The following PGGT1B variants were observed in gnomAD, a reference collection of about 807,000 sequenced individuals.
PGGT1B encodes the protein geranylgeranyl transferase type-1 subunit beta.
PGGT1B carries 30 observed loss-of-function variants against 46.1 expected under a neutral mutation model. The observed-to-expected ratio is 0.65, with a 90% confidence interval of 0.49 to 0.88. The LOEUF is 0.88. Ranked by LOEUF, PGGT1B falls within the 40% of genes least tolerant of loss-of-function variation. The pLI is 0.00. For missense variants in PGGT1B, 376 were observed against 455.9 expected (o/e 0.82, Z 1.60); for synonymous variants, 170 against 160.0 (o/e 1.06, Z -0.47).
chr5:115,221,678 C>T (rs899731037), intron 7 of PGGT1B, 146 bp downstream of exon 7: 14 of 459,590 alleles, frequency 3.0e-5, no homozygotes, highest in Middle Eastern at 5.7e-4. Context: ...AAAAACCATA[C>T]AGAGACTAGC....
chr5:115,218,341 T>C (rs1199459707), intron 7 of PGGT1B, among the ~76,000 whole-genome samples: 1 of 150,184 alleles, frequency 6.7e-6, no homozygotes. Flanking sequence ...TTGGGACAAC[T>C]TGAAAGGGTT....
intron 6 of PGGT1B, among the ~76,000 whole-genome samples, chr5:115,222,321 G>A (rs540553851): frequency 2.6e-5 from 4 of 152,112 alleles, no homozygotes; most frequent in African/African-American, 7.2e-5. Context: ...CTAACTCCCT[G>A]CCCAGGACCC....
chr5:115,225,127 T>G (rs950396279), intron 6 of PGGT1B, among the ~76,000 whole-genome samples: 6 of 152,208 alleles, frequency 3.9e-5, no homozygotes, highest in Admixed American at 2.0e-4. Flanking sequence ...CTGTGCTCAT[T>G]ATGCCTTAGT....
chr5:115,236,631 G>C, intron 4 of PGGT1B, 109 bp from the exon 5 acceptor site: 1 of 577,730 alleles, frequency 1.7e-6, no homozygotes, highest in Non-Finnish European at 2.9e-6. Flanking sequence ...AAAATCTGTT[G>C]ATTATTCTAC....
At chr5:115,237,691 TC>T (rs1757224289) in intron 4 of PGGT1B, among the ~76,000 whole-genome samples, 166 bp downstream of exon 4, 1 of 152,160 alleles carries the variant, frequency 6.6e-6, no homozygotes, top group Non-Finnish European at 1.5e-5. Context: ...ACAGAGGAAA[TC>T]TGAGGTCACT....
chr5:115,211,668 C>G lies in PGGT1B; in HGVS notation c.*734G>C, dbSNP rs1441989858. 1 of 149,432 alleles carries G rather than the reference C, an allele frequency of 6.7e-6. No individual in the cohort carries two copies. Among genetic ancestry groups the G allele is most frequent in the Non-Finnish European group, 1.5e-5 (1 of 67,614 alleles). 9.3% of individuals were successfully genotyped at this position (149,432 alleles called of 1,614,324 possible). A position where few individuals can be genotyped will look rare whatever the true frequency, so the allele number is the denominator to read the frequency against. On this transcript the variant is annotated 3_prime_UTR_variant, in exon 9 of 9. Transcript: ENST00000419445. ...AAAATCAAACATAACTGGTATTCAC[C>G]ACAGCAATGTCTAGATAAATGACCC...
intron 6 of PGGT1B, among the ~76,000 whole-genome samples, chr5:115,229,204 T>C (rs1401075057): frequency 6.6e-6 from 1 of 152,140 alleles, no homozygotes; most frequent in Non-Finnish European, 1.5e-5. Context: ...TTGTAGGCCA[T>C]ACTGTAATAC....
chr5:115,253,035 A>C (rs1372042858), intron 2 of PGGT1B, 102 bp downstream of exon 2: 1 of 975,524 alleles, frequency 1.0e-6, no homozygotes, highest in Admixed American at 2.7e-5. Flanking sequence ...AGATAAATAA[A>C]ATATGTTAAC....
At chr5:115,220,272 TA>T (rs1374167647) in intron 7 of PGGT1B, among the ~76,000 whole-genome samples, 1 of 151,870 alleles carries the variant, frequency 6.6e-6, no homozygotes, top group Non-Finnish European at 1.5e-5. Context: ...ATTCAGCCAT[TA>T]AAAAATTAAA....
rs1756052839 is a variant in PGGT1B, at chr5:115,206,061, T to A, written c.*6341A>T. On this transcript the variant is annotated 3_prime_UTR_variant, in exon 9 of 9. Transcript: ENST00000419445. ...TATGGCTATTGAAAGGCATTCATAATACATTGTTGAATGAAAAAAAACCAT... is the reference window on the plus strand; with the variant it reads ...TATGGCTATTGAAAGGCATTCATAAAACATTGTTGAATGAAAAAAAACCAT... 6.6e-6 allele frequency: 1 copy of A among 151,968 alleles called. No individual in the cohort carries two copies. Among genetic ancestry groups the A allele is most frequent in the Non-Finnish European group, 1.5e-5 (1 of 67,894 alleles). 9.4% of individuals were successfully genotyped at this position (151,968 alleles called of 1,614,324 possible).
intron 2 of PGGT1B, among the ~76,000 whole-genome samples, chr5:115,252,315 C>T (rs904420126): frequency 6.6e-6 from 1 of 151,820 alleles, no homozygotes; most frequent in Non-Finnish European, 1.5e-5. Flanking sequence ...AATAAAATAG[C>T]CACAAACTAT....
intron 3 of PGGT1B, among the ~76,000 whole-genome samples, chr5:115,239,197 C>A (rs1397886447): frequency 1.3e-5 from 2 of 152,096 alleles, no homozygotes; most frequent in African/African-American, 4.8e-5. Flanking sequence ...CACCTGCCAC[C>A]ACATCCAGCT....
intron 2 of PGGT1B, among the ~76,000 whole-genome samples, chr5:115,241,907 T>G (rs992933909): frequency 1.3e-5 from 2 of 152,150 alleles, no homozygotes; most frequent in East Asian, 3.9e-4. Flanking sequence ...TTTTATGTGA[T>G]CAACATGTTC....
rs1756170614 is a variant in PGGT1B at position 115,209,839 on chromosome 5, G to A, written c.*2563C>T. The stretch of plus-strand genomic sequence containing the variant: ...ATTATCTCATTTAATCCTAAACCCT[G>A]TGTGTTAGGTTTTACCCTTATTTTA... On this transcript the variant is annotated 3_prime_UTR_variant, in exon 9 of 9. Coordinates refer to ENST00000419445, the MANE Select transcript of PGGT1B (RefSeq NM_005023.4). 1 of 151,978 alleles carries A rather than the reference G, an allele frequency of 6.6e-6. No individual in the cohort carries two copies. Among genetic ancestry groups the A allele is most frequent in the South Asian group, 2.1e-4 (1 of 4,816 alleles). The allele number at this position is 151,978 out of a possible 1,614,324, so 9.4% of individuals were successfully genotyped here.
intron 1 of PGGT1B, among the ~76,000 whole-genome samples, chr5:115,256,287 G>A (rs1007206461): frequency 2.0e-5 from 3 of 152,166 alleles, no homozygotes; most frequent in African/African-American, 4.8e-5. Context: ...TGTTAATAGT[G>A]CTGAGGTTGA....
chr5:115,218,747 C>T (rs1318874531), intron 7 of PGGT1B, among the ~76,000 whole-genome samples: 1 of 151,680 alleles, frequency 6.6e-6, no homozygotes, highest in Non-Finnish European at 1.5e-5. Flanking sequence ...TTGATTTAAG[C>T]AATGATCCTT....
intron 7 of PGGT1B, among the ~76,000 whole-genome samples, chr5:115,219,980 TCA>T (rs1440084141): frequency 6.6e-6 from 1 of 151,848 alleles, no homozygotes; most frequent in African/African-American, 2.4e-5. Flanking sequence ...AATGGAACTC[TCA>T]TACATTGCTA....
At chr5:115,242,415 C>T (rs1228474446) in intron 2 of PGGT1B, among the ~76,000 whole-genome samples, 3 of 152,030 alleles carry the variant, frequency 2.0e-5, no homozygotes, top group Non-Finnish European at 4.4e-5. Flanking sequence ...AAAAAAAAAT[C>T]GAGTTGGTCT....
intron 3 of PGGT1B, among the ~76,000 whole-genome samples, chr5:115,239,202 C>A (rs1454374904): frequency 6.6e-6 from 1 of 152,118 alleles, no homozygotes; most frequent in Non-Finnish European, 1.5e-5. Flanking sequence ...GCCACCACAT[C>A]CAGCTAATTT....
Sources: allele counts gnomAD v4.1 joint callset (sites outside exome capture counted in the v4.1 genomes callset), GRCh38; gene constraint gnomAD v4.1.1; transcripts MANE v1.5; gene names NCBI Gene and HGNC (gene_info 2026-07-23, HGNC 2026-07-21).